PTPRT: variants seen among roughly 807,000 people sequenced by gnomAD.
PTPRT encodes protein tyrosine phosphatase receptor type T.
A neutral mutation model predicts 176.8 loss-of-function variants in PTPRT; 56 were observed. That is an observed-to-expected ratio of 0.32 (90% CI 0.26 to 0.40). The LOEUF (loss-of-function observed/expected upper bound fraction) is 0.40. Among genes scored for constraint, PTPRT ranks in the 10% least tolerant of loss-of-function variants. PTPRT has a pLI of 1.00. For synonymous variants in PTPRT, 783 were observed against 739.0 expected, an observed-to-expected ratio of 1.06 and a Z score of -0.96; for missense variants, 1,540 against 1,908.2, an observed-to-expected ratio of 0.81 and a Z score of 3.60.
In PTPRT at chr20:42,736,448, C is replaced by T. The variant is rs6130203; in HGVS notation, c.859+20014G>A. Reference sequence around the variant, plus strand: ...AAGCCCTGCAGTTGCTTCATTTATGCAACAAATGTCCACTGAGGGCCCACA... The same window carrying T: ...AAGCCCTGCAGTTGCTTCATTTATGTAACAAATGTCCACTGAGGGCCCACA... On this transcript the variant is annotated intron_variant, in intron 6 of 30. Transcript: ENST00000373187. Among the ~76,000 whole-genome samples, 40 of 152,340 alleles carry T rather than the reference C, an allele frequency of 2.6e-4. No homozygotes were observed. The East Asian group carries it at 7.3e-3, about 28-fold the overall frequency.
At chr20:42,719,211 G>A (rs916936556) in intron 6 of PTPRT, among the ~76,000 whole-genome samples, 11 of 152,194 alleles carry the variant, frequency 7.2e-5, no homozygotes, top group East Asian at 3.8e-4. Flanking sequence ...AACTGTCCGC[G>A]CAAGAGATAT....
intron 9 of PTPRT, among the ~76,000 whole-genome samples, chr20:42,398,066 A>G (rs1021382358): frequency 6.6e-6 from 1 of 152,208 alleles, no homozygotes; most frequent in Non-Finnish European, 1.5e-5. Flanking sequence ...TTAAATAACT[A>G]GAAAGTAGCA....
At chr20:43,188,139 A>T (rs1012897850) in intron 1 of PTPRT, among the ~76,000 whole-genome samples, 42 of 152,230 alleles carry the variant, frequency 2.8e-4, no homozygotes, top group African/African-American at 1.0e-3. Flanking sequence ...TCATGCCTGG[A>T]TCCCCAGGAC....
At chr20:43,157,702 A>T (rs577982952) in intron 1 of PTPRT, among the ~76,000 whole-genome samples, 10 of 152,256 alleles carry the variant, frequency 6.6e-5, no homozygotes, top group African/African-American at 2.4e-4. Flanking sequence ...CAAGTTATAT[A>T]TCGGTCATCT....
At chr20:42,302,406 A>G (rs1353905920) in intron 12 of PTPRT, among the ~76,000 whole-genome samples, 4 of 152,126 alleles carry the variant, frequency 2.6e-5, no homozygotes, top group African/African-American at 4.8e-5. Context: ...GGAATCCCCA[A>G]TTTTGGGGCT....
At chr20:42,681,516 C>G (rs1236523011) in intron 6 of PTPRT, among the ~76,000 whole-genome samples, 1 of 152,168 alleles carries the variant, frequency 6.6e-6, no homozygotes, top group Non-Finnish European at 1.5e-5. Context: ...AGAAAAATTC[C>G]TGGGGGTCCC....
chr20:42,406,509 T>C (rs1453204608), intron 9 of PTPRT, among the ~76,000 whole-genome samples: 14 of 152,108 alleles, frequency 9.2e-5, no homozygotes, highest in Non-Finnish European at 1.8e-4. Context: ...TTTAAATACC[T>C]TTATAAAAAC....
Position 42,568,350 on chromosome 20 carries a change from G to A in PTPRT, c.1154-95788C>T, listed in dbSNP as rs148434141. On this transcript the variant is annotated intron_variant, in intron 7 of 30. Transcript: ENST00000373187. ...ACTCCTATTATTTCACTGAATCCCA[G>A]TAGTGAAATACTCCAACGTTGGTAT... Among the ~76,000 whole-genome samples the A allele has an allele frequency of 1.4e-3, 218 of 152,246 alleles. 2 individuals are homozygous for A. Among genetic ancestry groups the A allele is most frequent in the African/African-American group, 4.9e-3 (205 of 41,540 alleles).
chr20:43,153,084 C>T (rs2014411081), intron 1 of PTPRT, among the ~76,000 whole-genome samples: 2 of 152,308 alleles, frequency 1.3e-5, no homozygotes, highest in South Asian at 4.1e-4. Flanking sequence ...GACCAAGGGG[C>T]ATTTACCTAG....
At chr20:42,319,179 G>A (rs1600828774) in intron 11 of PTPRT, among the ~76,000 whole-genome samples, 1 of 152,062 alleles carries the variant, frequency 6.6e-6, no homozygotes, top group Non-Finnish European at 1.5e-5. Flanking sequence ...GGAGGCTGAG[G>A]CCGAGAGGTC....
chr20:42,350,724 G>C lies in PTPRT; in HGVS notation c.1769C>G (p.Ser590Cys). The change falls in exon 11 of 31, where the codon TCC (serine) becomes TGC (cysteine). Residue 590 changes from serine to cysteine, a missense_variant. Coordinates refer to ENST00000373187, the MANE Select transcript of PTPRT (RefSeq NM_007050.6). ...TRIATKISAP[S>C]MPEYDTDTPL... ...GGTGTCTGTGTCGTACTCAGGCATG[G>C]ATGGAGCTGGACAGGAAACAGAGAG... 1 of 1,609,492 alleles carries C rather than the reference G, an allele frequency of 6.2e-7. No homozygotes were observed. Among genetic ancestry groups the C allele is most frequent in the Non-Finnish European group, 8.5e-7 (1 of 1,175,856 alleles).
chr20:42,555,420 A>T (rs749988078), intron 7 of PTPRT, among the ~76,000 whole-genome samples: 2 of 152,170 alleles, frequency 1.3e-5, no homozygotes, highest in Non-Finnish European at 2.9e-5. Flanking sequence ...ACCATACAGA[A>T]CGATAATAGA....
intron 9 of PTPRT, among the ~76,000 whole-genome samples, chr20:42,421,277 C>T (rs142741204): frequency 2.6e-3 from 172 of 65,244 alleles, no homozygotes; most frequent in African/African-American, 8.2e-3. Flanking sequence ...CACACACACA[C>T]GCATGCACAC....
At chr20:42,763,173 G>A (rs1387964658) in intron 5 of PTPRT, among the ~76,000 whole-genome samples, 1 of 152,114 alleles carries the variant, frequency 6.6e-6, no homozygotes, top group Non-Finnish European at 1.5e-5. Context: ...TTCTGTAATG[G>A]CCTTGCCATT....
At chr20:42,146,041 C>A (rs944646543) in intron 17 of PTPRT, among the ~76,000 whole-genome samples, 2 of 152,284 alleles carry the variant, frequency 1.3e-5, no homozygotes, top group Middle Eastern at 3.4e-3. Context: ...TTCTACCAAA[C>A]CTTGCATCCA....
intron 9 of PTPRT, among the ~76,000 whole-genome samples, chr20:42,411,667 T>A (rs2059020393): frequency 6.6e-6 from 1 of 151,846 alleles, no homozygotes; most frequent in Non-Finnish European, 1.5e-5. Flanking sequence ...CTTTGAGATA[T>A]TAAAAGGAAA....
intron 11 of PTPRT, among the ~76,000 whole-genome samples, chr20:42,328,510 T>C (rs931109582): frequency 2.6e-5 from 4 of 151,574 alleles, no homozygotes; most frequent in Non-Finnish European, 5.9e-5. Context: ...TAATAGAAAA[T>C]CTAGGAAAAT....
intron 1 of PTPRT, among the ~76,000 whole-genome samples, chr20:43,041,129 A>T (rs947931527): frequency 1.3e-5 from 2 of 152,186 alleles, no homozygotes; most frequent in Admixed American, 1.3e-4. Context: ...ACCGTCTCCA[A>T]TCACTTACCA....
intron 6 of PTPRT, among the ~76,000 whole-genome samples, chr20:42,747,464 A>T (rs2076707406): frequency 6.6e-6 from 1 of 152,216 alleles, no homozygotes; most frequent in Admixed American, 6.5e-5. Context: ...ACAATGTCAG[A>T]TAGTGACAAG....
Sources: allele counts gnomAD v4.1 joint callset (sites outside exome capture counted in the v4.1 genomes callset), GRCh38; gene constraint gnomAD v4.1.1; transcripts MANE v1.5; gene names NCBI Gene and HGNC (gene_info 2026-07-23, HGNC 2026-07-21).